Variants in CHD2 observed in about 807,000 individuals in gnomAD.
CHD2 encodes the protein chromodomain helicase DNA binding protein 2.
Under a neutral mutation model 243.9 loss-of-function variants are expected in CHD2, and 28 were observed. The observed-to-expected ratio is 0.11, with a 90% confidence interval of 0.09 to 0.16. The LOEUF (loss-of-function observed/expected upper bound fraction) is 0.16, where lower values mean the gene tolerates loss of function less well. CHD2 is among the 10% of genes least tolerant of loss of function. The pLI, the probability that CHD2 is intolerant of heterozygous loss-of-function variation, is 1.00. For missense variants in CHD2, 1,386 were observed against 2,209.8 expected (o/e 0.63, Z 7.47); for synonymous variants, 775 against 779.0 (o/e 0.99, Z 0.09).
intron 38 of CHD2, chr15:93,020,536 A>G: frequency 1.7e-6 from 1 of 588,920 alleles, no homozygotes; most frequent in East Asian, 2.8e-5. Context: ...GTCAACAACC[A>G]AAATTATTAA....
chr15:93,000,423 C>G (rs1596449210), intron 31 of CHD2, 89 bp from the exon 32 acceptor site: 2 of 1,270,534 alleles, frequency 1.6e-6, no homozygotes. Flanking sequence ...TATATGGCTG[C>G]TACTGCTTTA....
intron 34 of CHD2, 94 bp from the exon 35 acceptor site, chr15:93,009,051 G>A (rs2054358305): frequency 3.0e-6 from 4 of 1,341,664 alleles, no homozygotes; most frequent in Non-Finnish European, 3.1e-6. Context: ...ATGGCATAGG[G>A]GTGGGCTGTG....
chr15:93,017,350 C>T (rs1310208846), intron 37 of CHD2, among the ~76,000 whole-genome samples: 1 of 151,040 alleles, frequency 6.6e-6, no homozygotes, highest in African/African-American at 2.4e-5. Context: ...GGAGATGGAG[C>T]CTCGCTCTGT....
rs760795656 is a variant in CHD2, at chr15:92,939,583, T to C, written c.557T>C (p.Val186Ala). The C allele has an allele frequency of 6.2e-7, 1 of 1,613,292 alleles. No homozygotes were observed. Among genetic ancestry groups the C allele is most frequent in the Non-Finnish European group, 8.5e-7 (1 of 1,179,762 alleles). The change falls in exon 7 of 39, where the codon GTG becomes GCG. Residue 186 changes from valine to alanine, a missense_variant. Val to Ala is a moderately conservative substitution (Grantham distance 64). Transcript: ENST00000394196. ...TGTTTCTCTTCTCATTTTAGAACAG[T>C]GCCCAAACCTCGTGTTAAAAAGCAG... ...KARRPVPRRT[V>A]PKPRVKKQPK... is the part of the protein sequence containing the mutation.
Position 92,939,711 on chromosome 15 carries a change from A to G in CHD2, c.685A>G (p.Asn229Asp). The G allele has an allele frequency of 6.2e-7, 1 of 1,613,374 alleles. No homozygotes were observed. The highest frequency in any genetic ancestry group is 8.5e-7 in the Non-Finnish European group (1 of 1,179,886). Residue 229 changes from asparagine to aspartate, a missense_variant, in exon 7 of 39, where the codon AAC becomes GAC. Asn to Asp is a conservative substitution (Grantham distance 23, BLOSUM62 1). Coordinates refer to ENST00000394196, the MANE Select transcript of CHD2 (RefSeq NM_001271.4). Reference protein sequence around the residue: ...KRQTRRRAAKNVSYKEDDDFE... With the variant: ...KRQTRRRAAKDVSYKEDDDFE... ...GCAGACTCGTCGAAGAGCGGCTAAA[A>G]ACGTTAGGTAAGTTGTACCCCAGAA... is the stretch of plus-strand genomic sequence containing the variant.
chr15:92,971,169 G>A (rs1192662713), intron 17 of CHD2, among the ~76,000 whole-genome samples: 1 of 152,116 alleles, frequency 6.6e-6, no homozygotes, highest in Non-Finnish European at 1.5e-5. Context: ...GCACACACAG[G>A]TTGAGTCTCT....
intron 16 of CHD2, among the ~76,000 whole-genome samples, chr15:92,963,549 T>C (rs1452503972): frequency 6.6e-6 from 1 of 152,244 alleles, no homozygotes; most frequent in Non-Finnish European, 1.5e-5. Context: ...ATATATACTA[T>C]CTTTCATATT....
chr15:92,924,161 C>T lies in CHD2; in HGVS notation c.63-160C>T, dbSNP rs3826036. The T allele has an allele frequency of 0.49, 281,189 of 578,184 alleles. 73,424 individuals carry two copies. Among genetic ancestry groups the T allele is most frequent in the East Asian group, 0.83 (26,626 of 32,136 alleles). The allele number at this position is 578,184 out of a possible 1,614,324, so 35.8% of individuals were successfully genotyped here. A position where few individuals can be genotyped will look rare whatever the true frequency, so the allele number is the denominator to read the frequency against. On this transcript the variant is annotated intron_variant, in intron 2 of 38. Coordinates refer to ENST00000394196, the MANE Select transcript of CHD2 (RefSeq NM_001271.4). ...GGGATTTTGAGAATGGTAGCAATAACGTTATTTGGAATGTAAAAGTATAAA... is the reference window on the plus strand; with the variant it reads ...GGGATTTTGAGAATGGTAGCAATAATGTTATTTGGAATGTAAAAGTATAAA...
Position 92,920,831 on chromosome 15 carries a change from T to C in CHD2, c.63-3490T>C, listed in dbSNP as rs570253307. ...TCTAGCAAATGAATGTGCAATTGAA[T>C]CCTTCTCTAATATACCAGGCACAAA... On this transcript the variant is annotated intron_variant, in intron 2 of 38. Coordinates refer to ENST00000394196, the MANE Select transcript of CHD2 (RefSeq NM_001271.4). Among the ~76,000 whole-genome samples, 13 of 152,368 alleles carry C rather than the reference T, an allele frequency of 8.5e-5. No individual in the cohort carries two copies. The East Asian group carries it at 2.3e-3, about 27-fold the overall frequency.
chr15:92,993,381 A>G (rs746564068), intron 28 of CHD2: 8 of 166,096 alleles, frequency 4.8e-5, no homozygotes, highest in Non-Finnish European at 9.2e-5. Context: ...ATTGTGCGTT[A>G]TGGCAAACAC....
intron 11 of CHD2, 44 bp from the exon 12 acceptor site, chr15:92,945,994 T>G (rs577794941): frequency 1.6e-5 from 25 of 1,521,802 alleles, no homozygotes; most frequent in Non-Finnish European, 2.0e-5. Context: ...TTTTCACTTT[T>G]AATTGACAGT....
At chr15:93,016,207 A>G (rs889728555) in intron 37 of CHD2, among the ~76,000 whole-genome samples, 4 of 152,240 alleles carry the variant, frequency 2.6e-5, no homozygotes, top group Non-Finnish European at 4.4e-5. Context: ...TCGCAACAAC[A>G]TGGTTGAATC....
At chr15:92,942,311 AATATCTAATTTAG>A (rs2053394571) in intron 8 of CHD2, among the ~76,000 whole-genome samples, 2 of 152,196 alleles carry the variant, frequency 1.3e-5, no homozygotes, top group East Asian at 3.8e-4. Context: ...AAGATTTTTA[AATATCTAATTTAG>A]ATATCTCATA....
chr15:93,008,098 A>AT (rs1377608666), intron 34 of CHD2, among the ~76,000 whole-genome samples: 1 of 152,196 alleles, frequency 6.6e-6, no homozygotes, highest in Non-Finnish European at 1.5e-5. Context: ...AGTCAGGATC[A>AT]TTTGGTGTTT....
Position 92,972,658 on chromosome 15 carries a change from C to T in CHD2, c.2505+241C>T, listed in dbSNP as rs1475660487. Among the ~76,000 whole-genome samples the T allele has an allele frequency of 6.5e-4, 9 of 13,818 alleles. 4 individuals are homozygous for T. The highest frequency in any genetic ancestry group is 4.3e-3 in the Admixed American group (2 of 470). The allele number at this position is 13,818 out of a possible 152,430, so 9.1% of individuals were successfully genotyped here. ...CGAGGTCAGGAGATCAAGACCATCC[C>T]GGCTAAAACGGTGAAACCCCGTCTC... On this transcript the variant is annotated intron_variant, in intron 19 of 38. Transcript: ENST00000394196.
chr15:92,966,628 T>C (rs1451683071), intron 16 of CHD2, among the ~76,000 whole-genome samples: 1 of 152,084 alleles, frequency 6.6e-6, no homozygotes, highest in East Asian at 1.9e-4. Flanking sequence ...ATAAAATGTA[T>C]GGCTGGATAT....
intron 24 of CHD2, among the ~76,000 whole-genome samples, chr15:92,981,785 CAA>C (rs779242529): frequency 2.0e-5 from 3 of 152,156 alleles, no homozygotes; most frequent in East Asian, 3.9e-4. Flanking sequence ...GATCAGATGC[CAA>C]AGAGAGGTCA....
chr15:93,022,510 G>T (rs530645341), intron 38 of CHD2, among the ~76,000 whole-genome samples: 2 of 152,358 alleles, frequency 1.3e-5, no homozygotes, highest in South Asian at 4.1e-4. Context: ...TGGCTGGTGA[G>T]AACAGGCACG....
In CHD2 at chr15:93,004,432, T is replaced by C. The variant is rs2054295063; in HGVS notation, c.4279-185T>C. On this transcript the variant is annotated intron_variant, in intron 33 of 38. Transcript: ENST00000394196. ...TTTAGAGATGGAAATGGGAATAATGTGTGAGTAAGCTGCTAATCAGACAGG... is the reference window on the plus strand; with the variant it reads ...TTTAGAGATGGAAATGGGAATAATGCGTGAGTAAGCTGCTAATCAGACAGG... 2.6e-5 allele frequency: 12 copies of C among 458,392 alleles called. 1 individual carries two copies. The highest frequency in any genetic ancestry group is 4.0e-5 in the Admixed American group (1 of 24,914). The allele number at this position is 458,392 out of a possible 1,614,324, so 28.4% of individuals were successfully genotyped here.
Sources: gnomAD v4.1 joint callset for allele counts (sites outside exome capture counted in the v4.1 genomes callset) on GRCh38, gnomAD v4.1.1 for gene constraint, MANE v1.5 for transcripts, NCBI Gene and HGNC (gene_info 2026-07-23, HGNC 2026-07-21) for gene names.